The following PDE11A variants were observed in gnomAD, a reference collection of about 807,000 sequenced individuals.
PDE11A encodes the protein phosphodiesterase 11A.
In PDE11A, 100 loss-of-function variants were observed where a neutral mutation model predicts 100.5. That is an observed-to-expected ratio of 1.00 (90% CI 0.85 to 1.18). The LOEUF (loss-of-function observed/expected upper bound fraction) is 1.18, where lower values mean the gene tolerates loss of function less well. Ranked by LOEUF, PDE11A falls within the 50% of genes most tolerant of loss-of-function variation. The pLI is 0.00. For missense variants in PDE11A, 1,141 were observed against 1,152.6 expected (o/e 0.99, Z 0.15); for synonymous variants, 381 against 420.8 (o/e 0.91, Z 1.16).
In PDE11A at chr2:177,675,444, T is replaced by TC. The variant is rs756173584; in HGVS notation, c.2487+10dup. 6.2e-7 allele frequency: 1 copy of TC among 1,605,424 alleles called. No homozygotes were observed. Among genetic ancestry groups the TC allele is most frequent in the Non-Finnish European group, 8.5e-7 (1 of 1,172,370 alleles). On this transcript the variant is annotated intron_variant, in intron 17 of 19. Transcript: ENST00000286063. Reference sequence around the variant, plus strand: ...CTCCTCTGCTGAGCCCTGCCATTAATCACCACTTGCCTGTCTGGAGATCTC... The same window carrying TC: ...CTCCTCTGCTGAGCCCTGCCATTAATCCACCACTTGCCTGTCTGGAGATCTC...
intron 1 of PDE11A, among the ~76,000 whole-genome samples, chr2:178,048,693 A>C (rs763002261): frequency 8.5e-5 from 13 of 152,220 alleles, no homozygotes; most frequent in Non-Finnish European, 1.9e-4. Flanking sequence ...ATGGGCATCC[A>C]GCATTTTCTG....
intron 6 of PDE11A, among the ~76,000 whole-genome samples, chr2:177,825,485 C>T (rs1004715931): frequency 7.2e-5 from 11 of 152,104 alleles, no homozygotes; most frequent in South Asian, 2.1e-4. Flanking sequence ...TGCCTATTTG[C>T]GGCAGCAGCT....
At chr2:177,721,968 G>T (rs1471917134) in intron 12 of PDE11A, among the ~76,000 whole-genome samples, 4 of 152,136 alleles carry the variant, frequency 2.6e-5, no homozygotes, top group African/African-American at 2.4e-5. Context: ...TCCCAAGAAA[G>T]TGCCACTAGG....
At chr2:177,894,135 A>C (rs1405647) in intron 4 of PDE11A, among the ~76,000 whole-genome samples, 68,304 of 151,894 alleles carry the variant, frequency 0.45, 17,122 homozygotes, top group African/African-American at 0.67. Flanking sequence ...TGTTTCTAGT[A>C]TCCTTTCTAT....
intron 15 of PDE11A, among the ~76,000 whole-genome samples, chr2:177,681,983 T>G (rs1194732314): frequency 6.6e-6 from 1 of 152,222 alleles, no homozygotes; most frequent in Non-Finnish European, 1.5e-5. Context: ...TCCCCTTCCC[T>G]TTCCAGGTCC....
chr2:177,758,721 C>G (rs1467814718), intron 10 of PDE11A, among the ~76,000 whole-genome samples: 2 of 152,176 alleles, frequency 1.3e-5, no homozygotes, highest in African/African-American at 4.8e-5. Flanking sequence ...TCAACAATCC[C>G]CAGACCTCCA....
intron 19 of PDE11A, among the ~76,000 whole-genome samples, chr2:177,637,152 A>G (rs2080051038): frequency 6.6e-6 from 1 of 152,266 alleles, no homozygotes; most frequent in African/African-American, 2.4e-5. Flanking sequence ...TCTCCACAGC[A>G]GTCCCACGAA....
chr2:177,848,914 CA>C (rs200527334), intron 5 of PDE11A, among the ~76,000 whole-genome samples: 17 of 151,484 alleles, frequency 1.1e-4, no homozygotes, highest in Admixed American at 1.0e-3. Flanking sequence ...ATTACTTTTC[CA>C]AAAAAAAGAG....
At chr2:177,661,782 C>T (rs1172985514) in intron 19 of PDE11A, among the ~76,000 whole-genome samples, 2 of 152,118 alleles carry the variant, frequency 1.3e-5, no homozygotes, top group Non-Finnish European at 2.9e-5. Flanking sequence ...TAAATAGCTC[C>T]TTCCATATTC....
At chr2:177,969,830 T>A (rs3861373) in intron 2 of PDE11A, among the ~76,000 whole-genome samples, 9,560 of 152,250 alleles carry the variant, frequency 0.063, 314 homozygotes, top group South Asian at 0.094. Context: ...AGATTTTATT[T>A]CCAAGTAAAT....
intron 2 of PDE11A, among the ~76,000 whole-genome samples, chr2:177,956,471 A>G (rs1295957775): frequency 6.6e-6 from 1 of 152,220 alleles, no homozygotes; most frequent in Non-Finnish European, 1.5e-5. Flanking sequence ...GGGACTGTAA[A>G]CTAGTTCAAC....
chr2:177,791,472 G>A (rs2082631546), intron 9 of PDE11A, among the ~76,000 whole-genome samples: 1 of 150,480 alleles, frequency 6.6e-6, no homozygotes, highest in Admixed American at 6.6e-5. Context: ...CACCAGCATG[G>A]CACATGTATA....
intron 10 of PDE11A, among the ~76,000 whole-genome samples, chr2:177,729,666 C>T (rs187751405): frequency 5.3e-5 from 8 of 152,160 alleles, no homozygotes; most frequent in African/African-American, 1.7e-4. Context: ...TTTGAGCTTT[C>T]GATGTTACTT....
intron 1 of PDE11A, among the ~76,000 whole-genome samples, chr2:178,029,162 A>G (rs2086514823): frequency 1.3e-5 from 2 of 152,136 alleles, no homozygotes; most frequent in Admixed American, 6.5e-5. Context: ...ACTGCACCCA[A>G]CAACAAGAGA....
At chr2:177,857,336 C>A (rs868769708) in intron 5 of PDE11A, among the ~76,000 whole-genome samples, 1 of 151,716 alleles carries the variant, frequency 6.6e-6, no homozygotes, top group Admixed American at 6.6e-5. Context: ...TACTAGGGAG[C>A]AATCTGAATC....
chr2:177,756,429 G>A (rs561426732), intron 10 of PDE11A, among the ~76,000 whole-genome samples: 29 of 152,122 alleles, frequency 1.9e-4, no homozygotes, highest in Admixed American at 1.8e-3. Flanking sequence ...CTCTCTTCTC[G>A]TTCATTTCTG....
chr2:177,999,486 C>CT (rs34465914), intron 2 of PDE11A, among the ~76,000 whole-genome samples: 19 of 152,230 alleles, frequency 1.2e-4, no homozygotes, highest in Non-Finnish European at 2.6e-4. Context: ...TAATCAGACA[C>CT]TTTTTTTAAG....
At chr2:178,084,527 T>C (rs1471671175) in intron 2 of PDE11A, among the ~76,000 whole-genome samples, 12 of 152,184 alleles carry the variant, frequency 7.9e-5, no homozygotes, top group African/African-American at 1.7e-4. Context: ...GCTGATGGTT[T>C]CGCAAGCCAG....
chr2:178,014,583 CA>C (rs1431461658), intron 1 of PDE11A, 123 bp from the exon 2 acceptor site: 25 of 746,722 alleles, frequency 3.3e-5, no homozygotes, highest in Non-Finnish European at 5.8e-5. Context: ...TTTTTAATCA[CA>C]ATAACAGATT....
Sources: gnomAD v4.1 joint callset for allele counts (sites outside exome capture counted in the v4.1 genomes callset) on GRCh38, gnomAD v4.1.1 for gene constraint, MANE v1.5 for transcripts, NCBI Gene and HGNC (gene_info 2026-07-23, HGNC 2026-07-21) for gene names.